Variants in SRGAP1 observed in about 807,000 individuals in gnomAD.
The protein encoded by SRGAP1 is SLIT-ROBO Rho GTPase-activating protein 1.
A neutral mutation model predicts 121.9 loss-of-function variants in SRGAP1; 43 were observed. The observed-to-expected ratio is 0.35, with a 90% CI of 0.28 to 0.46. The LOEUF (loss-of-function observed/expected upper bound fraction) is 0.46, where lower values mean the gene tolerates loss of function less well. Among genes scored for constraint, SRGAP1 ranks in the 20% least tolerant of loss-of-function variants. The pLI, the probability that SRGAP1 is intolerant of heterozygous loss-of-function variation, is 1.00. For synonymous variants in SRGAP1, 447 were observed against 485.4 expected (o/e 0.92, Z 1.04); for missense variants, 1,102 against 1,350.9 (o/e 0.82, Z 2.89).
intron 15 of SRGAP1, among the ~76,000 whole-genome samples, chr12:64,101,311 GTGTGT>G (rs1351288427): frequency 2.4e-5 from 3 of 127,506 alleles, no homozygotes; most frequent in African/African-American, 1.1e-4. Flanking sequence ...GGAAAGGGGT[GTGTGT>G]GTGTGTGTGT....
intron 3 of SRGAP1, among the ~76,000 whole-genome samples, chr12:64,016,331 A>G (rs2034400675): frequency 6.6e-6 from 1 of 152,074 alleles, no homozygotes; most frequent in African/African-American, 2.4e-5. Context: ...TACAAAAAAT[A>G]TAAAAACTAG....
chr12:64,087,176 G>T, intron 11 of SRGAP1, 150 bp downstream of exon 11: 1 of 577,132 alleles, frequency 1.7e-6, no homozygotes, highest in East Asian at 3.1e-5. Context: ...AAATGTTTGG[G>T]CTTCTTACAA....
intron 4 of SRGAP1, chr12:64,032,517 C>A: frequency 8.3e-7 from 1 of 1,205,266 alleles, no homozygotes; most frequent in Non-Finnish European, 1.2e-6. Flanking sequence ...ATGGAGCAGG[C>A]CTGGGCCAGC....
chr12:64,135,437 A>T (rs1368524767), intron 21 of SRGAP1, among the ~76,000 whole-genome samples: 3 of 152,134 alleles, frequency 2.0e-5, no homozygotes, highest in Admixed American at 2.0e-4. Flanking sequence ...AAGCCAGGAG[A>T]TAGAATCCTT....
At chr12:64,086,738 A>C (rs2035948527) in intron 10 of SRGAP1, among the ~76,000 whole-genome samples, 1 of 151,496 alleles carries the variant, frequency 6.6e-6, no homozygotes, top group Non-Finnish European at 1.5e-5. Flanking sequence ...AAAAAAAAAA[A>C]AAAACACAGC....
rs147145884 is a variant in SRGAP1, at chr12:64,117,807, T to C, written c.2224+1914T>C. 3.5e-3 allele frequency among the ~76,000 whole-genome samples: 529 copies of C among 152,326 alleles called. 1 individual carries two copies. Among genetic ancestry groups the C allele is most frequent in the African/African-American group, 0.012 (499 of 41,582 alleles). ...ACTACCGTTCCACCCTTTGATTCTA[T>C]GAATTGGATTCTTTTAGATACCTCA... On this transcript the variant is annotated intron_variant, in intron 18 of 21. Transcript: ENST00000355086.
intron 8 of SRGAP1, among the ~76,000 whole-genome samples, chr12:64,074,758 T>TG (rs2035703729): frequency 6.6e-6 from 1 of 152,158 alleles, no homozygotes; most frequent in South Asian, 2.1e-4. Context: ...AATTACTAAA[T>TG]ATTGGCACAA....
rs1472942026 is a variant in SRGAP1 at position 64,055,947 on chromosome 12, C to G, written c.802-6970C>G. Among the ~76,000 whole-genome samples the G allele has an allele frequency of 2.6e-5, 4 of 152,144 alleles. No individual in the cohort carries two copies. In the East Asian group the frequency reaches 5.8e-4, roughly 22 times the overall value. ...CCTGGGCTCCAGATTTGTACATCAA[C>G]TCACTACTGAGCATCCCTAACCAGA... On this transcript the variant is annotated intron_variant, in intron 6 of 21. Transcript: ENST00000355086.
intron 1 of SRGAP1, among the ~76,000 whole-genome samples, chr12:63,946,935 G>T (rs1459780064): frequency 6.6e-6 from 1 of 152,002 alleles, no homozygotes; most frequent in African/African-American, 2.4e-5. Context: ...ACTTAGCAAA[G>T]ATTTTTTTTT....
intron 21 of SRGAP1, among the ~76,000 whole-genome samples, chr12:64,140,016 T>C (rs1488806811): frequency 6.6e-6 from 1 of 151,044 alleles, no homozygotes; most frequent in Non-Finnish European, 1.5e-5. Flanking sequence ...CCCCATTGCT[T>C]CTTTTTCTCA....
intron 1 of SRGAP1, among the ~76,000 whole-genome samples, chr12:63,939,324 C>G (rs923399186): frequency 6.6e-6 from 1 of 152,068 alleles, no homozygotes. Context: ...CCTCCCTCCT[C>G]AGCAAGTTCC....
At chr12:64,013,617 A>G (rs2034316422) in intron 3 of SRGAP1, among the ~76,000 whole-genome samples, 1 of 152,166 alleles carries the variant, frequency 6.6e-6, no homozygotes, top group African/African-American at 2.4e-5. Flanking sequence ...AAAATCTAAA[A>G]TTCCCACTGG....
At chr12:63,865,682 C>T (rs1017726087) in intron 1 of SRGAP1, among the ~76,000 whole-genome samples, 1 of 152,124 alleles carries the variant, frequency 6.6e-6, no homozygotes, top group Non-Finnish European at 1.5e-5. Context: ...AAGCGTTGGT[C>T]GAGTGAAGTT....
At position 64,151,621 on chromosome 12, in the gene SRGAP1, A is replaced by C. The variant is rs564054738; in HGVS notation, c.*8949A>C. On this transcript the variant is annotated 3_prime_UTR_variant, in exon 22 of 22. Coordinates refer to ENST00000355086, the MANE Select transcript of SRGAP1 (RefSeq NM_020762.4). ...AAATTTACATCCCTGCCAGTAATGCATAACAGTACACGAGTATAAAACATG... is the reference window on the plus strand; with the variant it reads ...AAATTTACATCCCTGCCAGTAATGCCTAACAGTACACGAGTATAAAACATG... 9.2e-5 allele frequency: 14 copies of C among 152,332 alleles called. No individual in the cohort carries two copies. Among genetic ancestry groups the C allele is most frequent in the African/African-American group, 3.4e-4 (14 of 41,576 alleles). The allele number at this position is 152,332 out of a possible 1,614,324, so 9.4% of individuals were successfully genotyped here. A position where few individuals can be genotyped will look rare whatever the true frequency, so the allele number is the denominator to read the frequency against.
Position 64,080,706 on chromosome 12 carries a change from TCTTC to T in SRGAP1, c.1408+342_1408+345del, listed in dbSNP as rs767470179. The T allele has an allele frequency of 6.3e-5, 24 of 383,918 alleles. No individual in the cohort carries two copies. The East Asian group carries it at 1.1e-3, about 17-fold the overall frequency. The allele number at this position is 383,918 out of a possible 1,614,324, so 23.8% of individuals were successfully genotyped here. A position where few individuals can be genotyped will look rare whatever the true frequency, so the allele number is the denominator to read the frequency against. ...CCTACCTGCTGACCCCCCAGTCTCT[TCTTC>T]CTTCCCTTCTCAGACTTCTGCACCC... On this transcript the variant is annotated intron_variant, in intron 10 of 21. Coordinates refer to ENST00000355086, the MANE Select transcript of SRGAP1 (RefSeq NM_020762.4).
At chr12:64,025,637 C>G (rs1183481018) in intron 4 of SRGAP1, among the ~76,000 whole-genome samples, 4 of 152,172 alleles carry the variant, frequency 2.6e-5, no homozygotes, top group Admixed American at 6.5e-5. Flanking sequence ...ATACCACATT[C>G]TCCATGATGC....
intron 1 of SRGAP1, among the ~76,000 whole-genome samples, chr12:63,934,242 C>G (rs1249771981): frequency 1.3e-5 from 2 of 152,172 alleles, no homozygotes; most frequent in Admixed American, 6.6e-5. Context: ...GTTGCTTCAG[C>G]TGTCTATCTT....
At chr12:63,957,048 T>C (rs937276693) in intron 1 of SRGAP1, among the ~76,000 whole-genome samples, 2 of 152,226 alleles carry the variant, frequency 1.3e-5, no homozygotes, top group Non-Finnish European at 2.9e-5. Context: ...GTACCAGTAC[T>C]TCATTCCTTT....
intron 4 of SRGAP1, among the ~76,000 whole-genome samples, chr12:64,019,512 C>T (rs926312045): frequency 1.3e-4 from 20 of 152,176 alleles, no homozygotes; most frequent in Admixed American, 1.2e-3. Context: ...AGAGCATGCT[C>T]AGCAAGGCCA....
Sources: gnomAD v4.1 joint callset for allele counts (sites outside exome capture counted in the v4.1 genomes callset) on GRCh38, gnomAD v4.1.1 for gene constraint, MANE v1.5 for transcripts, NCBI Gene and HGNC (gene_info 2026-07-23, HGNC 2026-07-21) for gene names.